Variants in FGF13 observed in about 807,000 individuals in gnomAD.
The protein encoded by FGF13 is fibroblast growth factor homologous factor 2.
A neutral mutation model predicts 19.5 loss-of-function variants in FGF13; 2 were observed. The ratio of observed to expected loss-of-function variants is 0.10; its 90% CI spans 0.04 to 0.32. The LOEUF (loss-of-function observed/expected upper bound fraction) is 0.32, where lower values mean the gene tolerates loss of function less well. FGF13 is among the 10% of genes least tolerant of loss of function. The pLI is 1.00. For missense variants in FGF13, 113 were observed against 192.7 expected (o/e 0.59, Z 2.45); for synonymous variants, 72 against 76.9 (o/e 0.94, Z 0.33).
intron 3 of FGF13, among the ~76,000 whole-genome samples, chrX:138,815,259 A>G (rs1367580103): frequency 1.8e-5 from 2 of 111,009 alleles, no homozygotes; most frequent in African/African-American, 3.3e-5. Context: ...AGAATCTTAC[A>G]TATAGCATGA....
chrX:138,779,953 A>G (rs2090624635), intron 3 of FGF13, among the ~76,000 whole-genome samples: 1 of 104,619 alleles, frequency 9.6e-6, no homozygotes, highest in Non-Finnish European at 2.0e-5. Flanking sequence ...CCATCAGACT[A>G]ACAGCGGATC....
intron 3 of FGF13, among the ~76,000 whole-genome samples, chrX:138,776,694 A>G (rs995221509): frequency 1.8e-5 from 2 of 111,987 alleles, no homozygotes; most frequent in Non-Finnish European, 3.8e-5. Context: ...ACCTATCTGA[A>G]TATGCATCTT....
At position 139,009,333 on chromosome X, in the gene FGF13, C is replaced by T. The variant is rs185284471; in HGVS notation, c.-112-144683G>A. On this transcript the variant is annotated intron_variant, in intron 1 of 2. Transcript: ENST00000421460. ...GGGAAATTCATCATAAAAAGATCATCACCTAGGCACACAGTCATCAGGTTA... is the reference window on the plus strand; with the variant it reads ...GGGAAATTCATCATAAAAAGATCATTACCTAGGCACACAGTCATCAGGTTA... 9.3e-4 allele frequency among the ~76,000 whole-genome samples: 104 copies of T among 111,273 alleles called. 1 individual carries two copies. Among genetic ancestry groups the T allele is most frequent in the Middle Eastern group, 9.3e-3 (2 of 214 alleles).
chrX:139,139,176 G>C (rs5976281), intron 1 of FGF13, among the ~76,000 whole-genome samples: 2,256 of 110,735 alleles, frequency 0.02, 35 homozygotes, highest in East Asian at 0.099. Flanking sequence ...CAAACGATCT[G>C]CCTGCCTCAG....
intron 1 of FGF13, among the ~76,000 whole-genome samples, chrX:139,020,945 A>G (rs1451029702): frequency 9.0e-6 from 1 of 110,992 alleles, no homozygotes; most frequent in East Asian, 2.8e-4. Flanking sequence ...CCTCAACCAG[A>G]AAAAAAATGT....
chrX:138,774,475 A>G (rs2090572614), intron 3 of FGF13, among the ~76,000 whole-genome samples: 1 of 111,693 alleles, frequency 9.0e-6, no homozygotes, highest in African/African-American at 3.3e-5. Flanking sequence ...CACTTTGGCC[A>G]AAGTCACCCA....
chrX:139,063,931 G>C (rs2092344639), intron 1 of FGF13, among the ~76,000 whole-genome samples: 1 of 111,130 alleles, frequency 9.0e-6, no homozygotes, highest in Admixed American at 9.6e-5. Flanking sequence ...GTTTATACGA[G>C]TACAGTATGT....
intron 1 of FGF13, among the ~76,000 whole-genome samples, chrX:139,149,275 A>G (rs1389258129): frequency 8.9e-6 from 1 of 111,935 alleles, no homozygotes; most frequent in Non-Finnish European, 1.9e-5. Flanking sequence ...CCATTTCTAG[A>G]CCTGTGCACA....
intron 1 of FGF13, among the ~76,000 whole-genome samples, chrX:139,146,193 T>C (rs1443868408): frequency 5.4e-5 from 6 of 111,653 alleles, no homozygotes; most frequent in Non-Finnish European, 9.4e-5. Flanking sequence ...ACCTACAGAA[T>C]GGGAGAAAAT....
intron 1 of FGF13, among the ~76,000 whole-genome samples, chrX:138,906,279 A>G (rs1187931689): frequency 8.9e-6 from 1 of 112,307 alleles, no homozygotes; most frequent in Non-Finnish European, 1.9e-5. Context: ...AGTTACTGTG[A>G]GGATTAAGTG....
chrX:139,164,106 T>TA (rs1556380027), intron 1 of FGF13, among the ~76,000 whole-genome samples: 21 of 107,035 alleles, frequency 2.0e-4, no homozygotes, highest in East Asian at 8.8e-4. Context: ...TTTTTTTTTT[T>TA]TTATTATTAT....
At chrX:139,022,938 C>A (rs1185914482) in intron 1 of FGF13, among the ~76,000 whole-genome samples, 1 of 111,441 alleles carries the variant, frequency 9.0e-6, no homozygotes, top group Non-Finnish European at 1.9e-5. Context: ...AAATGTATTT[C>A]ATTCACCCTT....
intron 3 of FGF13, among the ~76,000 whole-genome samples, chrX:138,779,331 C>T (rs1320055657): frequency 1.8e-5 from 2 of 112,123 alleles, no homozygotes; most frequent in African/African-American, 6.5e-5. Context: ...CTTTGACGAG[C>T]TGAGAGAAGA....
At chrX:138,650,967 G>A (rs908057047) in intron 3 of FGF13, among the ~76,000 whole-genome samples, 2 of 111,603 alleles carry the variant, frequency 1.8e-5, no homozygotes, top group Non-Finnish European at 3.8e-5. Flanking sequence ...ACACACTTTG[G>A]TGTCACTGAA....
intron 1 of FGF13, among the ~76,000 whole-genome samples, chrX:138,979,450 T>C (rs2091954511): frequency 9.1e-6 from 1 of 110,238 alleles, no homozygotes; most frequent in African/African-American, 3.3e-5. Context: ...AGGGTACATG[T>C]AAACAATGTG....
chrX:139,001,655 G>C, intron 1 of FGF13, among the ~76,000 whole-genome samples: 1 of 112,069 alleles, frequency 8.9e-6, no homozygotes, highest in Non-Finnish European at 1.9e-5. Flanking sequence ...TCTCACACCA[G>C]TTAGAATGGT....
In FGF13 at chrX:139,031,992, C is replaced by T. The variant is rs188182548; in HGVS notation, c.-112-167342G>A. Among the ~76,000 whole-genome samples, 683 of 111,249 alleles carry T rather than the reference C, an allele frequency of 6.1e-3. 8 individuals carry two copies. Among genetic ancestry groups the T allele is most frequent in the African/African-American group, 0.022 (664 of 30,703 alleles). On this transcript the variant is annotated intron_variant, in intron 1 of 2. Transcript: ENST00000421460. ...AATAAGAACAGACCAGGTGTCTATTCATAAAGACAGCAAACCTAGGCCGTG... is the reference window on the plus strand; with the variant it reads ...AATAAGAACAGACCAGGTGTCTATTTATAAAGACAGCAAACCTAGGCCGTG...
In FGF13 at chrX:138,631,717, C is replaced by T. The variant is rs2089118378; in HGVS notation, c.*1133G>A. 8.9e-6 allele frequency: 1 copy of T among 112,488 alleles called. No individual in the cohort carries two copies. The highest frequency in any genetic ancestry group is 3.2e-5 in the African/African-American group (1 of 30,910). The allele number at this position is 112,488 out of a possible 1,213,427, so 9.3% of individuals were successfully genotyped here. ...CCACTTTTGGAACACAGATTTTTAA[C>T]AATTATGAATGCACAAAATCTTACA... On this transcript the variant is annotated 3_prime_UTR_variant, in exon 5 of 5. Transcript: ENST00000315930.
chrX:138,859,282 G>A (rs1228226234), intron 2 of FGF13, among the ~76,000 whole-genome samples: 1 of 111,723 alleles, frequency 9.0e-6, no homozygotes, highest in Admixed American at 9.6e-5. Context: ...CATCACAGCT[G>A]AAGACAAATT....
Sources: allele counts gnomAD v4.1 joint callset (sites outside exome capture counted in the v4.1 genomes callset), GRCh38; gene constraint gnomAD v4.1.1; transcripts MANE v1.5; gene names NCBI Gene and HGNC (gene_info 2026-07-23, HGNC 2026-07-21).